Variants in BNIP2 observed in about 807,000 individuals in gnomAD.
The protein encoded by BNIP2 is BCL2 interacting protein 2, also known as BCL2/adenovirus E1B 19 kDa protein-interacting protein 2.
BNIP2 carries 36 observed loss-of-function variants against 43.4 expected under a neutral mutation model. The ratio of observed to expected loss-of-function variants is 0.83; its 90% CI spans 0.64 to 1.10. The LOEUF (loss-of-function observed/expected upper bound fraction) is 1.10, where lower values mean the gene tolerates loss of function less well. Ranked by LOEUF, BNIP2 falls within the 50% of genes least tolerant of loss-of-function variation. The pLI is 0.00. For missense variants in BNIP2, 417 were observed against 374.1 expected (o/e 1.11, Z -0.95); for synonymous variants, 146 against 121.0 (o/e 1.21, Z -1.35).
chr15:59,666,782 T>C (rs866150329), intron 9 of BNIP2, among the ~76,000 whole-genome samples: 1 of 152,092 alleles, frequency 6.6e-6, no homozygotes, highest in Non-Finnish European at 1.5e-5. Flanking sequence ...AAACAGAACG[T>C]TTTTGAAAGA....
At chr15:59,675,300 G>T (rs866839192) in intron 5 of BNIP2, among the ~76,000 whole-genome samples, 4 of 149,526 alleles carry the variant, frequency 2.7e-5, no homozygotes, top group African/African-American at 9.9e-5. Flanking sequence ...GGCAAATTAA[G>T]AGTTAAGGTT....
intron 2 of BNIP2, among the ~76,000 whole-genome samples, chr15:59,680,515 G>A (rs1471733726): frequency 6.6e-6 from 1 of 152,022 alleles, no homozygotes; most frequent in Non-Finnish European, 1.5e-5. Context: ...CTTAACTCCT[G>A]GGCTCAAGAG....
intron 4 of BNIP2, chr15:59,678,873 G>C: frequency 6.2e-6 from 8 of 1,300,286 alleles, no homozygotes; most frequent in Non-Finnish European, 8.1e-6. Context: ...AAAACACATA[G>C]GCACAAAACT....
chr15:59,662,755 G>A lies in BNIP2; in HGVS notation c.*1314C>T, dbSNP rs1398097229. On this transcript the variant is annotated 3_prime_UTR_variant, in exon 10 of 10. Coordinates refer to ENST00000607373, the MANE Select transcript of BNIP2 (RefSeq NM_004330.4). Reference sequence around the variant, plus strand: ...AAGAGTAGCCATGACCTTCAAATTTGGAAGGTATTATGCTTACCAGCTGTG... The same window carrying A: ...AAGAGTAGCCATGACCTTCAAATTTAGAAGGTATTATGCTTACCAGCTGTG... 6.6e-6 allele frequency: 1 copy of A among 152,130 alleles called. No homozygotes were observed. The allele number at this position is 152,130 out of a possible 1,614,324, so 9.4% of individuals were successfully genotyped here. A position where few individuals can be genotyped will look rare whatever the true frequency, so the allele number is the denominator to read the frequency against.
intron 7 of BNIP2, among the ~76,000 whole-genome samples, chr15:59,670,572 GA>G (rs1282759923): frequency 6.6e-6 from 1 of 152,310 alleles, no homozygotes. Flanking sequence ...TCAATGTGGA[GA>G]AAATTGCATC....
chr15:59,688,787 A>G (rs1894189571), intron 1 of BNIP2: 2 of 1,535,492 alleles, frequency 1.3e-6, no homozygotes, highest in Non-Finnish European at 1.7e-6. Flanking sequence ...ATAAATACTG[A>G]ACCATCGTAG....
intron 1 of BNIP2, 138 bp from the exon 2 acceptor site, chr15:59,682,652 AATT>A: frequency 1.7e-6 from 1 of 601,336 alleles, no homozygotes; most frequent in Non-Finnish European, 2.6e-6. Context: ...ACAGGGTTGC[AATT>A]TTTTTTTTTT....
Position 59,672,663 on chromosome 15 carries a change from A to G in BNIP2, c.549T>C (p.Tyr183=). 1 of 1,613,698 alleles carries G rather than the reference A, an allele frequency of 6.2e-7. No homozygotes were observed. The highest frequency in any genetic ancestry group is 8.5e-7 in the Non-Finnish European group (1 of 1,179,664). The change falls in exon 6 of 10, where the codon TAT becomes TAC. Residue 183 remains tyrosine (Y), a synonymous_variant. Transcript: ENST00000607373. ...CFMPESSQPN[Y]RYLMDNLFKY... ...TAAAAAGATTGTCCATCAGGTATCT[A>G]TAGTTAGGCTGACTACTTTCAGGCA...
At chr15:59,685,297 T>A (rs1893939539) in intron 1 of BNIP2, among the ~76,000 whole-genome samples, 1 of 152,056 alleles carries the variant, frequency 6.6e-6, no homozygotes, top group Admixed American at 6.5e-5. Context: ...GTCAGGAGTT[T>A]GAGACCAGCC....
Position 59,662,379 on chromosome 15 carries a change from A to C in BNIP2, c.*1690T>G, listed in dbSNP as rs1231380405. The C allele has an allele frequency of 6.6e-6, 1 of 152,238 alleles. No homozygotes were observed. Among genetic ancestry groups the C allele is most frequent in the Non-Finnish European group, 1.5e-5 (1 of 68,038 alleles). 9.4% of individuals were successfully genotyped at this position (152,238 alleles called of 1,614,324 possible). On this transcript the variant is annotated 3_prime_UTR_variant, in exon 10 of 10. Coordinates refer to ENST00000607373, the MANE Select transcript of BNIP2 (RefSeq NM_004330.4). ...AAGTGTTCCTAAAATGTGAGCAAGC[A>C]ATAATCGTTTTGGCTCAATTCACTG... is the stretch of plus-strand genomic sequence containing the variant.
chr15:59,688,291 T>G (rs1894146960), intron 1 of BNIP2, among the ~76,000 whole-genome samples: 1 of 152,190 alleles, frequency 6.6e-6, no homozygotes, highest in South Asian at 2.1e-4. Flanking sequence ...CAGAATTTGT[T>G]TCTACAATTG....
chr15:59,675,417 T>C (rs1893215756), intron 5 of BNIP2, among the ~76,000 whole-genome samples: 1 of 151,742 alleles, frequency 6.6e-6, no homozygotes, highest in Non-Finnish European at 1.5e-5. Flanking sequence ...GAGACCATCC[T>C]GGCTAACATG....
intron 9 of BNIP2, chr15:59,668,101 A>G (rs1024905617): frequency 7.7e-7 from 1 of 1,297,986 alleles, no homozygotes. Context: ...GTGTGCATAT[A>G]CCTTTTTTGT....
rs148596531 is a variant in BNIP2, at chr15:59,672,291, T to C, written c.575+346A>G. The C allele has an allele frequency of 4.3e-3, 723 of 169,606 alleles. 5 individuals are homozygous for C. Among genetic ancestry groups the C allele is most frequent in the African/African-American group, 0.016 (671 of 42,290 alleles). The allele number at this position is 169,606 out of a possible 1,614,324, so 10.5% of individuals were successfully genotyped here. On this transcript the variant is annotated intron_variant, in intron 6 of 9. Coordinates refer to ENST00000607373, the MANE Select transcript of BNIP2 (RefSeq NM_004330.4). ...AAAAGATCTGGGATATTTATTTTTC[T>C]GAGACAGGGTCTTACTCTGTCACCC... is the stretch of plus-strand genomic sequence containing the variant.
chr15:59,672,399 G>A, intron 6 of BNIP2: 2 of 320,658 alleles, frequency 6.2e-6, no homozygotes, highest in Non-Finnish European at 1.2e-5. Flanking sequence ...TCAGCCTCCT[G>A]AGTAGGTGGG....
intron 7 of BNIP2, among the ~76,000 whole-genome samples, chr15:59,670,653 T>C (rs1466866691): frequency 6.6e-6 from 1 of 152,222 alleles, no homozygotes; most frequent in Non-Finnish European, 1.5e-5. Flanking sequence ...TTTGAAGAAT[T>C]AAGGTTATTC....
intron 4 of BNIP2, chr15:59,678,315 C>T (rs1893440843): frequency 7.9e-7 from 1 of 1,270,384 alleles, no homozygotes; most frequent in Non-Finnish European, 9.9e-7. Flanking sequence ...TAGCAAAAAC[C>T]ACCTAATCAT....
chr15:59,682,518 T>C lies in BNIP2; in HGVS notation c.-57-4A>G, dbSNP rs757141686. The C allele has an allele frequency of 8.5e-5, 136 of 1,594,296 alleles. No homozygotes were observed. Among genetic ancestry groups the C allele is most frequent in the Non-Finnish European group, 1.1e-4 (127 of 1,173,114 alleles). Reference sequence around the variant, plus strand: ...GATAATCCAGGGAGCCAATGTCCTATGAAGAGAGAAAAATGTATAACTTAA... The same window carrying C: ...GATAATCCAGGGAGCCAATGTCCTACGAAGAGAGAAAAATGTATAACTTAA... On this transcript the variant is annotated splice_polypyrimidine_tract_variant and splice_region_variant and intron_variant, in intron 1 of 9. Transcript: ENST00000607373.
Position 59,681,868 on chromosome 15 carries a change from T to C in BNIP2, c.50+540A>G, listed in dbSNP as rs535370669. On this transcript the variant is annotated intron_variant, in intron 2 of 9. Coordinates refer to ENST00000607373, the MANE Select transcript of BNIP2 (RefSeq NM_004330.4). ...AAACAAACCACACTAAAACACTTTA[T>C]TATAAAAGCAAAAATTTGCAAACTT... Among the ~76,000 whole-genome samples the C allele has an allele frequency of 4.3e-4, 65 of 152,212 alleles. 2 individuals carry two copies. In the Middle Eastern group the frequency reaches 0.01, roughly 24 times the overall value.
Sources: allele counts gnomAD v4.1 joint callset (sites outside exome capture counted in the v4.1 genomes callset), GRCh38; gene constraint gnomAD v4.1.1; transcripts MANE v1.5; gene names NCBI Gene and HGNC (gene_info 2026-07-23, HGNC 2026-07-21).